Variants in TXNDC16 observed in about 807,000 individuals in gnomAD.
The protein encoded by TXNDC16 is thioredoxin domain containing 16.
A neutral mutation model predicts 85.6 loss-of-function variants in TXNDC16; 74 were observed. The ratio of observed to expected loss-of-function variants is 0.86; its 90% CI spans 0.72 to 1.05. The LOEUF is 1.05. Ranked by LOEUF, TXNDC16 falls within the 50% of genes least tolerant of loss-of-function variation. TXNDC16 has a pLI of 0.00. For missense variants in TXNDC16, 959 were observed against 947.0 expected (o/e 1.01, Z -0.17); for synonymous variants, 335 against 326.5 (o/e 1.03, Z -0.28).
chr14:52,505,713 A>G (rs1393370462), intron 9 of TXNDC16, among the ~76,000 whole-genome samples: 1 of 152,226 alleles, frequency 6.6e-6, no homozygotes, highest in African/African-American at 2.4e-5. Flanking sequence ...AATAACTAAG[A>G]TCAGAGCAGC....
intron 9 of TXNDC16, among the ~76,000 whole-genome samples, chr14:52,492,388 G>A (rs1022814473): frequency 1.3e-5 from 2 of 152,046 alleles, no homozygotes; most frequent in African/African-American, 2.4e-5. Context: ...CTCTAGGCTC[G>A]GCCCTGCTCA....
At chr14:52,492,649 T>C (rs540702476) in intron 9 of TXNDC16, among the ~76,000 whole-genome samples, 1 of 152,238 alleles carries the variant, frequency 6.6e-6, no homozygotes, top group African/African-American at 2.4e-5. Context: ...CCCAGGACAT[T>C]TGAACTAGGC....
chr14:52,529,057 G>C (rs550843495), intron 6 of TXNDC16, among the ~76,000 whole-genome samples: 1 of 148,070 alleles, frequency 6.8e-6, no homozygotes, highest in African/African-American at 2.5e-5. Context: ...CTATTATATA[G>C]CAATGACTTG....
intron 9 of TXNDC16, among the ~76,000 whole-genome samples, chr14:52,506,847 C>T (rs989202337): frequency 2.2e-5 from 3 of 135,762 alleles, no homozygotes; most frequent in Non-Finnish European, 4.8e-5. Context: ...TGAGCCACCG[C>T]ACCCGGCCTT....
intron 6 of TXNDC16, among the ~76,000 whole-genome samples, chr14:52,530,579 T>TTATATA (rs2037544544): frequency 1.4e-5 from 1 of 72,652 alleles, no homozygotes; most frequent in Non-Finnish European, 2.4e-5. Context: ...TAATATATAA[T>TTATATA]TATTATATAT....
At chr14:52,506,045 G>C (rs909053422) in intron 9 of TXNDC16, among the ~76,000 whole-genome samples, 1 of 152,138 alleles carries the variant, frequency 6.6e-6, no homozygotes, top group Non-Finnish European at 1.5e-5. Flanking sequence ...TCTCTGAATA[G>C]ACCAATAACA....
At chr14:52,507,008 C>T (rs941603048) in intron 9 of TXNDC16, among the ~76,000 whole-genome samples, 4 of 152,060 alleles carry the variant, frequency 2.6e-5, no homozygotes, top group African/African-American at 7.2e-5. Context: ...TGGCACAAGA[C>T]AGGGATGCCC....
intron 9 of TXNDC16, among the ~76,000 whole-genome samples, chr14:52,504,804 G>C (rs2036752208): frequency 6.6e-6 from 1 of 152,164 alleles, no homozygotes; most frequent in African/African-American, 2.4e-5. Flanking sequence ...AGACCCATCA[G>C]TGTGCTGTAT....
chr14:52,549,763 A>G (rs1382228380), intron 1 of TXNDC16, among the ~76,000 whole-genome samples: 1 of 151,316 alleles, frequency 6.6e-6, no homozygotes, highest in Non-Finnish European at 1.5e-5. Flanking sequence ...TCAGCCTCCC[A>G]AGTAGCTAGG....
intron 14 of TXNDC16, among the ~76,000 whole-genome samples, chr14:52,472,293 G>A (rs117412156): frequency 0.049 from 7,380 of 151,902 alleles, 235 homozygotes; most frequent in Middle Eastern, 0.075. Context: ...CCTCTCCCGA[G>A]TTCAGGCGAT....
At chr14:52,472,707 C>T (rs527526862) in intron 14 of TXNDC16, among the ~76,000 whole-genome samples, 1 of 152,238 alleles carries the variant, frequency 6.6e-6, no homozygotes, top group East Asian at 1.9e-4. Context: ...TAAGTGACTT[C>T]CTATCAAAGT....
chr14:52,464,486 T>C (rs1222973390), intron 16 of TXNDC16, among the ~76,000 whole-genome samples: 1 of 152,096 alleles, frequency 6.6e-6, no homozygotes, highest in African/African-American at 2.4e-5. Context: ...GAATAATAAA[T>C]GAGAAGGTTA....
At chr14:52,532,201 TAATAAA>T (rs1377601594) in intron 6 of TXNDC16, among the ~76,000 whole-genome samples, 1 of 152,008 alleles carries the variant, frequency 6.6e-6, no homozygotes, top group African/African-American at 2.4e-5. Context: ...TCCTAGAAAT[TAATAAA>T]AATAAAGTTT....
At chr14:52,459,007 C>T (rs2035595596) in intron 16 of TXNDC16, among the ~76,000 whole-genome samples, 1 of 152,076 alleles carries the variant, frequency 6.6e-6, no homozygotes, top group African/African-American at 2.4e-5. Flanking sequence ...ATATTCTCCT[C>T]CTTGGTAAAA....
intron 9 of TXNDC16, among the ~76,000 whole-genome samples, chr14:52,503,688 G>T (rs1399132717): frequency 6.6e-6 from 1 of 152,210 alleles, no homozygotes; most frequent in African/African-American, 2.4e-5. Context: ...CCAAAGGAAC[G>T]CAGCTCCTCA....
In TXNDC16 at chr14:52,518,849, T is replaced by A. The variant is rs1265653591; in HGVS notation, c.514+323A>T. The stretch of plus-strand genomic sequence containing the variant: ...TAAAATAATTTATTTTAATTATTCA[T>A]TAAAGTTCATTTGATTCTCACAATT... On this transcript the variant is annotated intron_variant, in intron 7 of 20. Transcript: ENST00000281741. Among the ~76,000 whole-genome samples the A allele has an allele frequency of 2.6e-5, 4 of 152,110 alleles. No individual in the cohort carries two copies. The East Asian group carries it at 5.8e-4, about 22-fold the overall frequency.
intron 9 of TXNDC16, among the ~76,000 whole-genome samples, chr14:52,509,716 C>T (rs146055999): frequency 6.6e-6 from 1 of 151,488 alleles, no homozygotes; most frequent in Admixed American, 6.6e-5. Flanking sequence ...TGGTGGCTCA[C>T]GCATGTAATC....
chr14:52,466,175 A>G (rs1174386703), intron 16 of TXNDC16, among the ~76,000 whole-genome samples: 1 of 151,888 alleles, frequency 6.6e-6, no homozygotes, highest in Non-Finnish European at 1.5e-5. Context: ...ATATGAATCC[A>G]TAACATGAAA....
Position 52,490,854 on chromosome 14 carries a change from ACTC to A in TXNDC16, c.905_907del (p.Gly302del). On this transcript the variant is annotated inframe_deletion, in exon 10 of 21. Transcript: ENST00000281741. ...TTTAAGATACCTTAACAAGAGTAGA[ACTC>A]CTGCTTTTCCCAGAAGACGCCAAGC... 1.2e-6 allele frequency: 2 copies of A among 1,611,994 alleles called. No individual in the cohort carries two copies. Among genetic ancestry groups the A allele is most frequent in the South Asian group, 1.1e-5 (1 of 90,238 alleles).
Sources: allele counts gnomAD v4.1 joint callset (sites outside exome capture counted in the v4.1 genomes callset), GRCh38; gene constraint gnomAD v4.1.1; transcripts MANE v1.5; gene names NCBI Gene and HGNC (gene_info 2026-07-23, HGNC 2026-07-21).